UBR2: variants seen among roughly 807,000 people sequenced by gnomAD.
UBR2 encodes E3 ubiquitin-protein ligase UBR2.
Under a neutral mutation model 247.9 loss-of-function variants are expected in UBR2, and 92 were observed. The observed-to-expected ratio is 0.37, with a 90% CI of 0.31 to 0.44. The LOEUF (loss-of-function observed/expected upper bound fraction) is 0.44, where lower values mean the gene tolerates loss of function less well. Among genes scored for constraint, UBR2 ranks in the 20% least tolerant of loss-of-function variants. The probability of loss-of-function intolerance (pLI) is 1.00; values close to 1 mark genes in which losing one functional copy is unlikely to be tolerated. For missense variants in UBR2, 1,613 were observed against 2,112.6 expected (o/e 0.76, Z 4.64); for synonymous variants, 672 against 693.5 (o/e 0.97, Z 0.49).
At position 42,644,267 on chromosome 6, in the gene UBR2, C is replaced by G; in HGVS notation, c.2151C>G (p.Arg717=). ...ATTTCCTGATGATCATGCTCAGCCG[C>G]TTTGAACTTTATCAGATTTTCAGTA... ...PNHFLMIMLS[R]FELYQIFSTP... The change falls in exon 19 of 47, where the codon CGC becomes CGG. Residue 717 remains arginine (R), a synonymous_variant. Coordinates refer to ENST00000372901, the MANE Select transcript of UBR2 (RefSeq NM_001363705.2). 5 of 1,612,910 alleles carry G rather than the reference C, an allele frequency of 3.1e-6. No individual in the cohort carries two copies. Among genetic ancestry groups the G allele is most frequent in the Non-Finnish European group, 4.2e-6 (5 of 1,179,800 alleles).
rs771603123 is a variant in UBR2, at chr6:42,568,729, CA to C, written c.78+4342del. Among the ~76,000 whole-genome samples, 83 of 147,698 alleles carry C rather than the reference CA, an allele frequency of 5.6e-4. 1 individual carries two copies. The East Asian group carries it at 6.5e-3, about 12-fold the overall frequency. Reference sequence around the variant, plus strand: ...TGGGCAACAGAGCGAGACTCTGTCTCAAAAAAAAAATAATAAAAATAAAATA... The same window carrying C: ...TGGGCAACAGAGCGAGACTCTGTCTCAAAAAAAAATAATAAAAATAAAATA... On this transcript the variant is annotated intron_variant, in intron 1 of 46. Coordinates refer to ENST00000372901, the MANE Select transcript of UBR2 (RefSeq NM_001363705.2).
chr6:42,644,965 A>G (rs527363382), intron 20 of UBR2, among the ~76,000 whole-genome samples: 2 of 152,134 alleles, frequency 1.3e-5, no homozygotes, highest in Non-Finnish European at 2.9e-5. Flanking sequence ...TGTGGCTAAT[A>G]GATGTGGATT....
At chr6:42,680,404 A>C (rs1268334100) in intron 42 of UBR2, among the ~76,000 whole-genome samples, 2 of 152,182 alleles carry the variant, frequency 1.3e-5, no homozygotes, top group Non-Finnish European at 2.9e-5. Context: ...TGATTTCTTT[A>C]CATGAACTTA....
At chr6:42,641,741 C>A in intron 17 of UBR2, 49 bp downstream of exon 17, 1 of 1,488,760 alleles carries the variant, frequency 6.7e-7, no homozygotes, top group Non-Finnish European at 9.3e-7. Context: ...TTCTTGGCTT[C>A]TGTGAAGGTT....
At chr6:42,587,834 C>T (rs982179239) in intron 2 of UBR2, among the ~76,000 whole-genome samples, 5 of 151,294 alleles carry the variant, frequency 3.3e-5, no homozygotes, top group Admixed American at 1.3e-4. Flanking sequence ...TGAATGTGCC[C>T]GATCTCATCT....
intron 23 of UBR2, 35 bp downstream of exon 23, chr6:42,650,421 A>C (rs1797046979): frequency 2.6e-6 from 4 of 1,556,300 alleles, no homozygotes; most frequent in Non-Finnish European, 3.5e-6. Context: ...GCAGGGAAGG[A>C]TTGCATTGTT....
intron 4 of UBR2, among the ~76,000 whole-genome samples, chr6:42,599,414 A>C (rs1793210994): frequency 6.6e-6 from 1 of 152,106 alleles, no homozygotes; most frequent in Admixed American, 6.6e-5. Context: ...TCTTAAAGAA[A>C]AGAAAAAAGA....
intron 30 of UBR2, 83 bp from the exon 31 acceptor site, chr6:42,662,101 T>G: frequency 1.1e-6 from 1 of 886,658 alleles, no homozygotes; most frequent in Admixed American, 2.4e-5. Context: ...TTATCAAGGA[T>G]TTTACAATTT....
At chr6:42,672,248 G>A (rs1312344456) in intron 36 of UBR2, among the ~76,000 whole-genome samples, 1 of 152,060 alleles carries the variant, frequency 6.6e-6, no homozygotes, top group Non-Finnish European at 1.5e-5. Flanking sequence ...GGCCAGGCTG[G>A]TCTCAAACTC....
At chr6:42,599,237 GCTGA>G (rs1239124089) in intron 4 of UBR2, among the ~76,000 whole-genome samples, 14 of 152,240 alleles carry the variant, frequency 9.2e-5, no homozygotes, top group African/African-American at 3.4e-4. Flanking sequence ...AGATGTTAAT[GCTGA>G]CTATTTGGTC....
rs996272591 is a variant in UBR2 at position 42,655,783 on chromosome 6, T to G, written c.2872+60T>G. Reference sequence around the variant, plus strand: ...ATATAAATGATTTTAAGAAATCACTTAATAACCTCTTTTATTTGATCATAT... The same window carrying G: ...ATATAAATGATTTTAAGAAATCACTGAATAACCTCTTTTATTTGATCATAT... On this transcript the variant is annotated intron_variant, in intron 26 of 46. Transcript: ENST00000372901. 3.0e-6 allele frequency: 3 copies of G among 1,010,008 alleles called. No individual in the cohort carries two copies. The South Asian group carries it at 5.8e-5, about 19-fold the overall frequency. 62.6% of individuals were successfully genotyped at this position (1,010,008 alleles called of 1,614,324 possible).
intron 32 of UBR2, among the ~76,000 whole-genome samples, chr6:42,664,755 G>T (rs916174805): frequency 1.7e-4 from 26 of 152,182 alleles, no homozygotes; most frequent in Admixed American, 3.3e-4. Flanking sequence ...ACCCTTGTTG[G>T]ATTTCATCTG....
At chr6:42,605,376 T>C (rs561193841) in intron 5 of UBR2, among the ~76,000 whole-genome samples, 1 of 152,294 alleles carries the variant, frequency 6.6e-6, no homozygotes, top group African/African-American at 2.4e-5. Context: ...AATGGTCAAC[T>C]ATGAGAGGTG....
chr6:42,583,735 G>T (rs1191706879), intron 2 of UBR2, among the ~76,000 whole-genome samples: 1 of 151,936 alleles, frequency 6.6e-6, no homozygotes, highest in African/African-American at 2.4e-5. Context: ...TGTTGGTCAG[G>T]CTGGTCTTGA....
At position 42,673,892 on chromosome 6, in the gene UBR2, G is replaced by T; in HGVS notation, c.4183+5G>T. The T allele has an allele frequency of 6.2e-7, 1 of 1,603,150 alleles. No individual in the cohort carries two copies. Among genetic ancestry groups the T allele is most frequent in the East Asian group, 2.2e-5 (1 of 44,790 alleles). ...ATTTTTGTAAACTTTTTGCATGTGA[G>T]TATTAATACATTTATAACATGTTGT... On this transcript the variant is annotated splice_donor_5th_base_variant and intron_variant, in intron 37 of 46. Coordinates refer to ENST00000372901, the MANE Select transcript of UBR2 (RefSeq NM_001363705.2).
At chr6:42,614,040 G>T (rs930003439) in intron 8 of UBR2, among the ~76,000 whole-genome samples, 13 of 150,832 alleles carry the variant, frequency 8.6e-5, no homozygotes, top group African/African-American at 2.9e-4. Context: ...AGCCAGGCGT[G>T]GTGGTGCATG....
intron 4 of UBR2, among the ~76,000 whole-genome samples, chr6:42,597,007 A>C (rs940948938): frequency 6.6e-6 from 1 of 152,330 alleles, no homozygotes. Context: ...TTATTTGGAA[A>C]AGATACTTTA....
chr6:42,628,828 T>A (rs183639008), intron 11 of UBR2, among the ~76,000 whole-genome samples: 1 of 152,242 alleles, frequency 6.6e-6, no homozygotes, highest in East Asian at 1.9e-4. Flanking sequence ...CCCTGTATGC[T>A]ATGGCATGTT....
chr6:42,619,447 A>ATTTTT (rs1262227969), intron 11 of UBR2: 2 of 29,622 alleles, frequency 6.8e-5, no homozygotes, highest in African/African-American at 2.1e-4. Context: ...ATATATATAT[A>ATTTTT]TATATATTTT....
Sources: gnomAD v4.1 joint callset for allele counts (sites outside exome capture counted in the v4.1 genomes callset) on GRCh38, gnomAD v4.1.1 for gene constraint, MANE v1.5 for transcripts, NCBI Gene and HGNC (gene_info 2026-07-23, HGNC 2026-07-21) for gene names.